Variants in ZSCAN1 observed in about 807,000 individuals in gnomAD.
ZSCAN1 encodes the protein zinc finger and SCAN domain containing 1.
Under a neutral mutation model 23.8 loss-of-function variants are expected in ZSCAN1, and 23 were observed. The observed-to-expected ratio is 0.97, with a 90% CI of 0.70 to 1.37. ZSCAN1 has a LOEUF of 1.37. Ranked by LOEUF, ZSCAN1 falls within the 40% of genes most tolerant of loss-of-function variation. The pLI is 0.00. For missense variants in ZSCAN1, 575 were observed against 554.0 expected (o/e 1.04, Z -0.38); for synonymous variants, 236 against 232.3 (o/e 1.02, Z -0.15).
intron 4 of ZSCAN1, chr19:58,046,582 G>C (rs2073827846): frequency 1.2e-6 from 1 of 838,330 alleles, no homozygotes; most frequent in Non-Finnish European, 2.1e-6. Flanking sequence ...CCTGGCCGCA[G>C]CACTGAATGA....
intron 4 of ZSCAN1, among the ~76,000 whole-genome samples, chr19:58,050,243 T>C (rs1477346367): frequency 1.3e-5 from 2 of 151,976 alleles, no homozygotes; most frequent in Non-Finnish European, 2.9e-5. Context: ...AGGACCAGGC[T>C]GGCCAGCATG....
chr19:58,036,081 C>A (rs159872), intron 2 of ZSCAN1, 70 bp downstream of exon 2: 102,286 of 152,152 alleles, frequency 0.67, 34,704 homozygotes, highest in Non-Finnish European at 0.71. Context: ...CTATGACACT[C>A]ACGCATCATC....
chr19:58,045,828 G>A lies in ZSCAN1; in HGVS notation c.465+5284G>A. 7.1e-7 allele frequency: 1 copy of A among 1,412,572 alleles called. No homozygotes were observed. The highest frequency in any genetic ancestry group is 1.0e-6 in the Non-Finnish European group (1 of 996,694). 87.5% of individuals were successfully genotyped at this position (1,412,572 alleles called of 1,614,324 possible). On this transcript the variant is annotated intron_variant, in intron 4 of 5. Coordinates refer to ENST00000282326, the MANE Select transcript of ZSCAN1 (RefSeq NM_182572.4). This position sits in a 1 kb window ranked among gnomAD's most constrained non-coding sequence, Gnocchi z 4.3. Reference sequence around the variant, plus strand: ...CGCTGCTCATCCTGTCCCGGACCATGTAGCTCCCGGACACCCTCTTGCCAG... The same window carrying A: ...CGCTGCTCATCCTGTCCCGGACCATATAGCTCCCGGACACCCTCTTGCCAG...
In ZSCAN1 at chr19:58,053,745, C is replaced by A; in HGVS notation, c.921C>A (p.Phe307Leu). Residue 307 changes from phenylalanine (F) to leucine (L), a missense_variant, in exon 6 of 6, where the codon TTC (phenylalanine) becomes TTA (leucine). Physicochemically the swap from Phe to Leu is conservative, Grantham distance 22. Transcript: ENST00000282326. This position sits in a 1 kb window ranked among gnomAD's most constrained non-coding sequence, Gnocchi z 5.8. ...TGGTCTTCACCTGGGTCACCCACTT[C>A]ATCGAGCACCAGAAGACCCATCGCG... Reference protein sequence around the residue: ...CGMVFTWVTHFIEHQKTHREE... With the variant: ...CGMVFTWVTHLIEHQKTHREE... The A allele has an allele frequency of 6.2e-7, 1 of 1,614,104 alleles. No homozygotes were observed. Among genetic ancestry groups the A allele is most frequent in the Non-Finnish European group, 8.5e-7 (1 of 1,180,024 alleles).
downstream of ZSCAN1, among the ~76,000 whole-genome samples, chr19:58,055,954 C>A (rs1269455907): frequency 6.6e-6 from 1 of 152,210 alleles, no homozygotes; most frequent in Non-Finnish European, 1.5e-5. Context: ...ACAACGCAAA[C>A]TGCCTCCCCT....
chr19:58,039,482 C>T (rs945201539), intron 3 of ZSCAN1, among the ~76,000 whole-genome samples: 6 of 152,146 alleles, frequency 3.9e-5, no homozygotes, highest in African/African-American at 1.2e-4. Context: ...GCCACCCACC[C>T]TTATCAAAGC....
intron 4 of ZSCAN1, among the ~76,000 whole-genome samples, chr19:58,048,747 G>A (rs529307035): frequency 4.9e-4 from 75 of 152,084 alleles, no homozygotes; most frequent in Non-Finnish European, 3.5e-4. Context: ...GTGAGCCACC[G>A]AGGCCGGCCC....
intron 1 of ZSCAN1, among the ~76,000 whole-genome samples, chr19:58,035,116 C>T (rs1452671640): frequency 6.6e-6 from 1 of 152,070 alleles, no homozygotes; most frequent in Non-Finnish European, 1.5e-5. Context: ...ACACACACAT[C>T]CCCAACATTA....
chr19:58,044,669 G>C (rs2123430799), intron 4 of ZSCAN1: 1 of 810,046 alleles, frequency 1.2e-6, no homozygotes, highest in Non-Finnish European at 2.1e-6. Context: ...CGCCCCGCGG[G>C]GTAGTCCGGG....
rs376071166 is a variant in ZSCAN1 at position 58,053,662 on chromosome 19, T to C, written c.838T>C (p.Ser280Pro). ...GGTQEAVAGI[S>P]VVPRGPRGGR... is the part of the protein sequence containing the mutation. The stretch of plus-strand genomic sequence containing the variant: ...TACCCAAGAGGCTGTTGCAGGCATC[T>C]CGGTAGTGCCGCGTGGGCCCCGAGG... The change falls in exon 6 of 6, where the codon TCG becomes CCG. Residue 280 changes from serine to proline, a missense_variant. Transcript: ENST00000282326. The surrounding 1 kb of genome is among the most constrained non-coding windows in gnomAD (Gnocchi z 5.8). 65 of 1,614,024 alleles carry C rather than the reference T, an allele frequency of 4.0e-5. No homozygotes were observed. Among genetic ancestry groups the C allele is most frequent in the Non-Finnish European group, 5.5e-5 (65 of 1,180,040 alleles).
In ZSCAN1 at chr19:58,045,519, G is replaced by C; in HGVS notation, c.465+4975G>C. On this transcript the variant is annotated intron_variant, in intron 4 of 5. Coordinates refer to ENST00000282326, the MANE Select transcript of ZSCAN1 (RefSeq NM_182572.4). The surrounding 1 kb of genome is among the most constrained non-coding windows in gnomAD (Gnocchi z 4.3). ...AATCATGGGTTTTTCCAAATTATTTGAGGATGAGCTGACCCTTGACAACCT... is the reference window on the plus strand; with the variant it reads ...AATCATGGGTTTTTCCAAATTATTTCAGGATGAGCTGACCCTTGACAACCT... 1 of 1,410,088 alleles carries C rather than the reference G, an allele frequency of 7.1e-7. No homozygotes were observed. The highest frequency in any genetic ancestry group is 1.0e-6 in the Non-Finnish European group (1 of 994,406). 87.3% of individuals were successfully genotyped at this position (1,410,088 alleles called of 1,614,324 possible).
intron 5 of ZSCAN1, among the ~76,000 whole-genome samples, chr19:58,052,906 C>T (rs556891989): frequency 1.2e-3 from 177 of 151,846 alleles, no homozygotes; most frequent in African/African-American, 3.9e-3. Flanking sequence ...ACCCAGAGGG[C>T]CAGCCAGGTA....
chr19:58,040,440 T>G lies in ZSCAN1; in HGVS notation c.371-10T>G. ...ACAGGCCCCTCTCACGATCCCTTTC[T>G]CCCGCACAGTTCTGGTATCTCTGGA... On this transcript the variant is annotated splice_polypyrimidine_tract_variant and intron_variant, in intron 3 of 5. Transcript: ENST00000282326. This position sits in a 1 kb window ranked among gnomAD's most constrained non-coding sequence, Gnocchi z 5.8. 6.2e-7 allele frequency: 1 copy of G among 1,613,278 alleles called. No homozygotes were observed. The highest frequency in any genetic ancestry group is 8.5e-7 in the Non-Finnish European group (1 of 1,179,836).
rs767219026 is a variant in ZSCAN1 at position 58,053,979 on chromosome 19, C to T, written c.1155C>T (p.Cys385=). ...AAAGACCCTTCCAGTGTAGCGTCTG[C>T]GGGAAGGCCTTCCCCTGGATGGTCC... The part of the protein sequence containing the change: ...SPKRPFQCSV[C]GKAFPWMVHL... The change falls in exon 6 of 6, where the codon TGC becomes TGT. Residue 385 remains cysteine, a synonymous_variant. Coordinates refer to ENST00000282326, the MANE Select transcript of ZSCAN1 (RefSeq NM_182572.4). This position sits in a 1 kb window ranked among gnomAD's most constrained non-coding sequence, Gnocchi z 5.8. 2.1e-5 allele frequency: 33 copies of T among 1,595,274 alleles called. No individual in the cohort carries two copies. Among genetic ancestry groups the T allele is most frequent in the South Asian group, 1.3e-4 (12 of 89,012 alleles).
At position 58,053,352 on chromosome 19, in the gene ZSCAN1, C is replaced by T. The variant is rs1477725037; in HGVS notation, c.605-77C>T. The stretch of plus-strand genomic sequence containing the variant: ...ACTTGGCTCAGTCACTGGGGTCCTC[C>T]GTGCCCCTGGGGAGCACAGGGAGAT... On this transcript the variant is annotated intron_variant, in intron 5 of 5. Coordinates refer to ENST00000282326, the MANE Select transcript of ZSCAN1 (RefSeq NM_182572.4). This position sits in a 1 kb window ranked among gnomAD's most constrained non-coding sequence, Gnocchi z 5.8. The T allele has an allele frequency of 8.5e-6, 13 of 1,529,392 alleles. No individual in the cohort carries two copies. Among genetic ancestry groups the T allele is most frequent in the African/African-American group, 8.3e-5 (6 of 72,690 alleles). The allele number at this position is 1,529,392 out of a possible 1,614,324, so 94.7% of individuals were successfully genotyped here.
chr19:58,050,635 C>G (rs1248223303), intron 4 of ZSCAN1, among the ~76,000 whole-genome samples: 1 of 151,698 alleles, frequency 6.6e-6, no homozygotes, highest in Non-Finnish European at 1.5e-5. Context: ...ATTCTCCTGC[C>G]TCAGCCTCCC....
intron 4 of ZSCAN1, among the ~76,000 whole-genome samples, chr19:58,041,402 T>TGG: frequency 2.0e-5 from 3 of 152,126 alleles, no homozygotes; most frequent in Non-Finnish European, 4.4e-5. Flanking sequence ...GGGGCACACA[T>TGG]TGGGAAACAG....
At position 58,045,734 on chromosome 19, in the gene ZSCAN1, G is replaced by A. The variant is rs2073821105; in HGVS notation, c.465+5190G>A. 10 of 1,251,194 alleles carry A rather than the reference G, an allele frequency of 8.0e-6. No individual in the cohort carries two copies. Among genetic ancestry groups the A allele is most frequent in the African/African-American group, 1.5e-5 (1 of 68,002 alleles). 77.5% of individuals were successfully genotyped at this position (1,251,194 alleles called of 1,614,324 possible). A position where few individuals can be genotyped will look rare whatever the true frequency, so the allele number is the denominator to read the frequency against. ...CGAGGCATGCGGGCCCTGGGCGTCA[G>A]GGAAAACCACCTGAGGGGCCAGCTG... On this transcript the variant is annotated intron_variant, in intron 4 of 5. Coordinates refer to ENST00000282326, the MANE Select transcript of ZSCAN1 (RefSeq NM_182572.4). This position sits in a 1 kb window ranked among gnomAD's most constrained non-coding sequence, Gnocchi z 4.3.
chr19:58,048,067 C>G (rs551530120), intron 4 of ZSCAN1, among the ~76,000 whole-genome samples: 1 of 152,234 alleles, frequency 6.6e-6, no homozygotes, highest in Admixed American at 6.5e-5. Context: ...TGCGCTCAGA[C>G]GATGCCTTCT....
Sources: gnomAD v4.1 joint callset for allele counts (sites outside exome capture counted in the v4.1 genomes callset) on GRCh38, gnomAD v4.1.1 for gene constraint, Gnocchi (gnomAD v3.1) non-coding constraint, MANE v1.5 for transcripts, NCBI Gene and HGNC (gene_info 2026-07-23, HGNC 2026-07-21) for gene names.